Variants in LRRC27 observed in about 807,000 individuals in gnomAD.
The protein encoded by LRRC27 is leucine rich repeat containing 27.
A neutral mutation model predicts 55.0 loss-of-function variants in LRRC27; 57 were observed. The observed-to-expected ratio is 1.04, with a 90% CI of 0.84 to 1.29. The LOEUF is 1.29. LRRC27 is among the 50% of genes most tolerant of loss of function. The pLI, the probability that LRRC27 is intolerant of heterozygous loss-of-function variation, is 0.00. For missense variants in LRRC27, 721 were observed against 651.5 expected (o/e 1.11, Z -1.16); for synonymous variants, 278 against 251.9 (o/e 1.10, Z -0.98).
chr10:132,333,773 C>G, intron 2 of LRRC27, 39 bp downstream of exon 2: 1 of 1,502,828 alleles, frequency 6.7e-7, no homozygotes, highest in Middle Eastern at 2.2e-4. Context: ...GCCCACAGGT[C>G]CCCTATAGAC....
chr10:132,381,225 C>T lies in LRRC27; in HGVS notation c.*5983C>T, dbSNP rs1480566710. Among the ~76,000 whole-genome samples, 1 of 152,228 alleles carries T rather than the reference C, an allele frequency of 6.6e-6. No homozygotes were observed. Among genetic ancestry groups the T allele is most frequent in the East Asian group, 1.9e-4 (1 of 5,194 alleles). On this transcript the variant is annotated 3_prime_UTR_variant, in exon 11 of 11. Transcript: ENST00000368614. The stretch of plus-strand genomic sequence containing the variant: ...AAGCTGACTGGCTGAGTCTTCTGGC[C>T]TTCATCTCTCTCCCATGCTGGATGC...
In LRRC27 at chr10:132,346,818, AG is replaced by A. The variant is rs1308842847; in HGVS notation, c.554-1161del. 8.3e-5 allele frequency among the ~76,000 whole-genome samples: 5 copies of A among 60,472 alleles called. No homozygotes were observed. In the South Asian group the frequency reaches 2.7e-3, roughly 33 times the overall value. 39.7% of individuals were successfully genotyped at this position (60,472 alleles called of 152,430 possible). On this transcript the variant is annotated intron_variant, in intron 5 of 10. Transcript: ENST00000368614. The stretch of plus-strand genomic sequence containing the variant: ...GCATGTTTCTAGTCACTTGTACCCC[AG>A]GGGGAATTTTACAACTTCTTAGGAC...
At chr10:132,355,161 T>C (rs965798407) in intron 7 of LRRC27, among the ~76,000 whole-genome samples, 11 of 152,140 alleles carry the variant, frequency 7.2e-5, no homozygotes, top group African/African-American at 2.4e-4. Flanking sequence ...CTGCAACCTC[T>C]GCCTCCTGGG....
intron 6 of LRRC27, chr10:132,349,131 G>C (rs2067878008): frequency 3.0e-6 from 3 of 1,013,132 alleles, no homozygotes; most frequent in South Asian, 2.8e-5. Context: ...CATCTAGAGA[G>C]AGAATGCTGC....
rs2069332840 is a variant in LRRC27, at chr10:132,375,922, T to G, written c.*680T>G. On this transcript the variant is annotated 3_prime_UTR_variant, in exon 11 of 11. Transcript: ENST00000368614. ...GATCAGCCGTATTTCATGCTCTGTC[T>G]GCCCAGGCTGTGTAGATTCTGTGTG... The G allele has an allele frequency of 6.6e-6, 1 of 152,314 alleles. No homozygotes were observed. The highest frequency in any genetic ancestry group is 2.4e-5 in the African/African-American group (1 of 41,472). The allele number at this position is 152,314 out of a possible 1,614,324, so 9.4% of individuals were successfully genotyped here.
chr10:132,335,303 G>C (rs1452035198), intron 2 of LRRC27: 1 of 152,278 alleles, frequency 6.6e-6, no homozygotes, highest in Non-Finnish European at 1.5e-5. Context: ...AGTCTTCCCA[G>C]ACTTCGCCTA....
chr10:132,350,158 C>A (rs1355737361), intron 6 of LRRC27, among the ~76,000 whole-genome samples: 1 of 152,082 alleles, frequency 6.6e-6, no homozygotes, highest in Non-Finnish European at 1.5e-5. Context: ...GTGCTCATGT[C>A]CAAAATACTT....
rs1008810829 is a variant in LRRC27, at chr10:132,374,274, T to C, written c.1417-792T>C. ...GAGGCTGCAGGGGTCTCCTGGGACC[T>C]GCACTGGAGGTAGTGTCCAACCTGT... On this transcript the variant is annotated intron_variant, in intron 10 of 10. Coordinates refer to ENST00000368614, the MANE Select transcript of LRRC27 (RefSeq NM_030626.3). The surrounding 1 kb of genome is among the most constrained non-coding windows in gnomAD (Gnocchi z 4.4). Among the ~76,000 whole-genome samples, 4 of 152,104 alleles carry C rather than the reference T, an allele frequency of 2.6e-5. No homozygotes were observed. The highest frequency in any genetic ancestry group is 9.7e-5 in the African/African-American group (4 of 41,402).
At chr10:132,334,059 A>G (rs913477850) in intron 2 of LRRC27, among the ~76,000 whole-genome samples, 2 of 152,208 alleles carry the variant, frequency 1.3e-5, no homozygotes, top group Non-Finnish European at 2.9e-5. Context: ...ACCTTAAAGA[A>G]AATCAGGCAA....
At chr10:132,370,287 CCCAACT>C (rs1244085637) in intron 10 of LRRC27, among the ~76,000 whole-genome samples, 1 of 152,186 alleles carries the variant, frequency 6.6e-6, no homozygotes, top group Non-Finnish European at 1.5e-5. Context: ...CTGTCGTGTG[CCCAACT>C]CCAAGTTACT....
intron 3 of LRRC27, among the ~76,000 whole-genome samples, 183 bp from the exon 4 acceptor site, chr10:132,342,030 G>A (rs1279143986): frequency 6.6e-6 from 1 of 152,218 alleles, no homozygotes; most frequent in Non-Finnish European, 1.5e-5. Context: ...CAGCGGTGCA[G>A]GGCTTAGACC....
intron 8 of LRRC27, among the ~76,000 whole-genome samples, chr10:132,356,282 C>T (rs2068308742): frequency 6.6e-6 from 1 of 152,210 alleles, no homozygotes; most frequent in African/African-American, 2.4e-5. Flanking sequence ...TCGAGGTGAG[C>T]GCTACAGAGG....
At chr10:132,357,649 G>A (rs924854278) in intron 8 of LRRC27, among the ~76,000 whole-genome samples, 2 of 152,212 alleles carry the variant, frequency 1.3e-5, no homozygotes, top group Non-Finnish European at 2.9e-5. Context: ...CTCTGGGGAG[G>A]GGGGCGCAGA....
chr10:132,364,183 T>C (rs1206951764), intron 9 of LRRC27, among the ~76,000 whole-genome samples: 1 of 151,918 alleles, frequency 6.6e-6, no homozygotes, highest in Admixed American at 6.6e-5. Context: ...TTCTTTTCCA[T>C]AGTTACTCTG....
At chr10:132,336,214 C>T (rs1177747028) in intron 2 of LRRC27, among the ~76,000 whole-genome samples, 1 of 149,762 alleles carries the variant, frequency 6.7e-6, no homozygotes. Context: ...ATCAGCTTGC[C>T]CTGGGGGGGG....
chr10:132,364,408 C>CACACCCACACTT (rs1319631262), intron 9 of LRRC27, among the ~76,000 whole-genome samples: 1 of 149,486 alleles, frequency 6.7e-6, no homozygotes, highest in African/African-American at 2.5e-5. Flanking sequence ...CATCTACCTC[C>CACACCCACACTT]ACACCCGCGC....
At position 132,351,726 on chromosome 10, in the gene LRRC27, A is replaced by G. The variant is rs763390835; in HGVS notation, c.1046A>G (p.Lys349Arg). The change falls in exon 7 of 11, where the codon AAG (lysine) becomes AGG (arginine). Residue 349 changes from lysine to arginine, a missense_variant. Lys to Arg is a conservative substitution (Grantham distance 26). Transcript: ENST00000368614. Reference protein sequence around the residue: ...RAAALRELQEKQALMEQQRRE... With the variant: ...RAAALRELQERQALMEQQRRE... ...GCGGCGCTCCGAGAGCTCCAGGAGA[A>G]GCAGGCTCTGATGGAGCAGCAGAGA... The G allele has an allele frequency of 1.4e-5, 23 of 1,613,376 alleles. No homozygotes were observed. The South Asian group carries it at 2.5e-4, about 18-fold the overall frequency.
chr10:132,341,512 C>T (rs1326022928), intron 3 of LRRC27, among the ~76,000 whole-genome samples: 1 of 152,150 alleles, frequency 6.6e-6, no homozygotes, highest in African/African-American at 2.4e-5. Flanking sequence ...TACATTCTTT[C>T]CTGTCCGTCT....
At position 132,380,041 on chromosome 10, in the gene LRRC27, A is replaced by G. The variant is rs1012696790; in HGVS notation, c.*4799A>G. 1.3e-5 allele frequency: 2 copies of G among 152,308 alleles called. No individual in the cohort carries two copies. The highest frequency in any genetic ancestry group is 4.8e-5 in the African/African-American group (2 of 41,450). 9.4% of individuals were successfully genotyped at this position (152,308 alleles called of 1,614,324 possible). ...GCCGAGTGCAGTGGCTCACGCCTGT[A>G]ATCCCAGCACTTTGGGAGGCCGAGG... On this transcript the variant is annotated 3_prime_UTR_variant, in exon 11 of 11. Coordinates refer to ENST00000368614, the MANE Select transcript of LRRC27 (RefSeq NM_030626.3).
Sources: allele counts gnomAD v4.1 joint callset (sites outside exome capture counted in the v4.1 genomes callset), GRCh38; gene constraint gnomAD v4.1.1; non-coding constraint Gnocchi (gnomAD v3.1); transcripts MANE v1.5; gene names NCBI Gene and HGNC (gene_info 2026-07-23, HGNC 2026-07-21).